The following TRMT1L variants were observed in gnomAD, a reference collection of about 807,000 sequenced individuals.
TRMT1L encodes tRNA methyltransferase 1L, also known as tRNA (guanine(27)-N(2))-dimethyltransferase.
In TRMT1L, 28 loss-of-function variants were observed where a neutral mutation model predicts 81.6. The observed-to-expected ratio is 0.34, with a 90% CI of 0.25 to 0.47. The LOEUF is 0.47. Ranked by LOEUF, TRMT1L falls within the 20% of genes least tolerant of loss-of-function variation. TRMT1L has a pLI of 1.00. For synonymous variants in TRMT1L, 301 were observed against 303.2 expected, an observed-to-expected ratio of 0.99 and a Z score of 0.07; for missense variants, 739 against 877.1, an observed-to-expected ratio of 0.84 and a Z score of 1.99.
At chr1:185,137,904 A>G (rs1458197621) in intron 9 of TRMT1L, 108 bp from the exon 10 acceptor site, 1 of 1,046,412 alleles carries the variant, frequency 9.6e-7, no homozygotes, top group East Asian at 2.6e-5. Flanking sequence ...GTTATGGGAC[A>G]TCAAGAAAAA....
At chr1:185,128,188 T>G (rs1230258578) in intron 11 of TRMT1L, among the ~76,000 whole-genome samples, 3 of 152,212 alleles carry the variant, frequency 2.0e-5, no homozygotes, top group Non-Finnish European at 4.4e-5. Flanking sequence ...TGCAAAAGCA[T>G]ATACACATTA....
intron 10 of TRMT1L, among the ~76,000 whole-genome samples, chr1:185,130,324 T>C (rs1446878849): frequency 2.0e-5 from 3 of 152,206 alleles, no homozygotes; most frequent in South Asian, 4.1e-4. Flanking sequence ...ACTCTCTCTC[T>C]GCTGTCTCTT....
At chr1:185,156,437 C>T (rs377073608) in intron 1 of TRMT1L, 41 bp downstream of exon 1, 33 of 1,613,504 alleles carry the variant, frequency 2.0e-5, no homozygotes, top group African/African-American at 1.3e-4. Flanking sequence ...GGCGCACTTT[C>T]TCTCTTCTGC....
At chr1:185,122,850 A>C (rs1652534089) in intron 13 of TRMT1L, among the ~76,000 whole-genome samples, 1 of 151,850 alleles carries the variant, frequency 6.6e-6, no homozygotes. Context: ...ACACCTGGCT[A>C]ATTTTTGTGT....
intron 7 of TRMT1L, among the ~76,000 whole-genome samples, chr1:185,142,324 C>T (rs1465731992): frequency 4.6e-5 from 7 of 152,146 alleles, no homozygotes; most frequent in Admixed American, 2.6e-4. Context: ...ACAGTCCATG[C>T]TTTTAACCAC....
rs1653334792 is a variant in TRMT1L, at chr1:185,151,184, T to C, written c.346+641A>G. Among the ~76,000 whole-genome samples, 3 of 152,336 alleles carry C rather than the reference T, an allele frequency of 2.0e-5. No individual in the cohort carries two copies. In the South Asian group the frequency reaches 6.2e-4, roughly 32 times the overall value. Reference sequence around the variant, plus strand: ...GAAAGAATTAAATTTCAAATTCAGGTTTAAAGCAATAAAATATACAGCAAG... The same window carrying C: ...GAAAGAATTAAATTTCAAATTCAGGCTTAAAGCAATAAAATATACAGCAAG... On this transcript the variant is annotated intron_variant, in intron 2 of 14. Transcript: ENST00000367506.
chr1:185,126,662 T>C (rs1167951462), intron 11 of TRMT1L, among the ~76,000 whole-genome samples: 1 of 152,168 alleles, frequency 6.6e-6, no homozygotes, highest in East Asian at 1.9e-4. Flanking sequence ...TTGGAGGTGG[T>C]AGAGAGGGGA....
At chr1:185,145,677 A>C in intron 4 of TRMT1L, 109 bp from the exon 5 acceptor site, 2 of 1,052,578 alleles carry the variant, frequency 1.9e-6, no homozygotes, top group Non-Finnish European at 2.7e-6. Flanking sequence ...TATAGAAGAT[A>C]ATTTTAATTT....
chr1:185,126,976 A>G (rs1042636797), intron 11 of TRMT1L, among the ~76,000 whole-genome samples: 2 of 152,222 alleles, frequency 1.3e-5, no homozygotes, highest in Non-Finnish European at 2.9e-5. Context: ...CAGCCTGGGC[A>G]ACAAAGTGGG....
chr1:185,126,579 A>C (rs1041117758), intron 11 of TRMT1L, among the ~76,000 whole-genome samples: 1 of 152,244 alleles, frequency 6.6e-6, no homozygotes, highest in South Asian at 2.1e-4. Context: ...TATAAGATAT[A>C]CTAAAGGGAA....
intron 8 of TRMT1L, 50 bp from the exon 9 acceptor site, chr1:185,139,629 A>G (rs1194912177): frequency 8.0e-7 from 1 of 1,243,096 alleles, no homozygotes; most frequent in Admixed American, 2.3e-5. Flanking sequence ...AGTAACAAAA[A>G]TTATACCACT....
At chr1:185,154,096 A>G (rs1039891723) in intron 1 of TRMT1L, among the ~76,000 whole-genome samples, 2 of 152,228 alleles carry the variant, frequency 1.3e-5, no homozygotes, top group African/African-American at 4.8e-5. Flanking sequence ...AAATTGTTAG[A>G]CTTTTTGGAT....
At chr1:185,122,683 T>G (rs1250272869) in intron 13 of TRMT1L, among the ~76,000 whole-genome samples, 1 of 42,098 alleles carries the variant, frequency 2.4e-5, no homozygotes, top group Non-Finnish European at 4.5e-5. Flanking sequence ...TTAAATCTAA[T>G]TTTTTTTTTT....
intron 13 of TRMT1L, among the ~76,000 whole-genome samples, chr1:185,121,565 C>A (rs927459951): frequency 1.3e-5 from 2 of 151,964 alleles, no homozygotes; most frequent in African/African-American, 4.8e-5. Context: ...AAAAGGACAA[C>A]CTGGGATCCA....
intron 10 of TRMT1L, among the ~76,000 whole-genome samples, chr1:185,135,358 G>A (rs1352412683): frequency 6.6e-6 from 1 of 151,414 alleles, no homozygotes; most frequent in Non-Finnish European, 1.5e-5. Context: ...GGAAGCTGCA[G>A]TGAGCCGATA....
chr1:185,124,855 G>T, intron 12 of TRMT1L, 89 bp downstream of exon 12: 1 of 1,226,122 alleles, frequency 8.2e-7, no homozygotes, highest in Non-Finnish European at 1.1e-6. Flanking sequence ...AATTATATTG[G>T]TTTTATTATA....
At chr1:185,140,957 G>A (rs1235539740) in intron 7 of TRMT1L, among the ~76,000 whole-genome samples, 1 of 140,358 alleles carries the variant, frequency 7.1e-6, no homozygotes, top group Non-Finnish European at 1.5e-5. Context: ...TCTCAAAGCC[G>A]AGACCCTATC....
At chr1:185,138,032 G>A (rs1440112208) in intron 9 of TRMT1L, among the ~76,000 whole-genome samples, 2 of 152,022 alleles carry the variant, frequency 1.3e-5, no homozygotes, top group African/African-American at 2.4e-5. Context: ...TTTCCCTTGC[G>A]ATATCCTCTC....
Position 185,119,895 on chromosome 1 carries a change from T to A in TRMT1L, c.*124A>T, listed in dbSNP as rs1652454872. On this transcript the variant is annotated 3_prime_UTR_variant, in exon 15 of 15. Transcript: ENST00000367506. ...AGTTAGAAACTGCTCAGTTTCTGAA[T>A]GAAAATGACACTGTTTTTTATTTTT... 2 of 1,211,042 alleles carry A rather than the reference T, an allele frequency of 1.7e-6. No individual in the cohort carries two copies. Among genetic ancestry groups the A allele is most frequent in the Non-Finnish European group, 2.2e-6 (2 of 894,722 alleles). The allele number at this position is 1,211,042 out of a possible 1,614,324, so 75.0% of individuals were successfully genotyped here.
Sources: gnomAD v4.1 joint callset for allele counts (sites outside exome capture counted in the v4.1 genomes callset) on GRCh38, gnomAD v4.1.1 for gene constraint, MANE v1.5 for transcripts, NCBI Gene and HGNC (gene_info 2026-07-23, HGNC 2026-07-21) for gene names.